Variants in ARNT2 observed in about 807,000 individuals in gnomAD.
ARNT2 encodes ARNT protein 2.
ARNT2 carries 36 observed loss-of-function variants against 91.7 expected under a neutral mutation model. The observed-to-expected ratio is 0.39, with a 90% CI of 0.30 to 0.52. The LOEUF (loss-of-function observed/expected upper bound fraction) is 0.52, where lower values mean the gene tolerates loss of function less well. ARNT2 is among the 20% of genes least tolerant of loss of function. The pLI, the probability that ARNT2 is intolerant of heterozygous loss-of-function variation, is 0.72. For synonymous variants in ARNT2, 365 were observed against 347.1 expected (o/e 1.05, Z -0.57); for missense variants, 775 against 939.3 (o/e 0.83, Z 2.29).
chr15:80,538,789 A>G (rs1361412333), intron 8 of ARNT2, among the ~76,000 whole-genome samples: 2 of 152,146 alleles, frequency 1.3e-5, no homozygotes. Flanking sequence ...TATCCAATTG[A>G]TAAATAATTC....
At chr15:80,588,084 G>A (rs1204122588) in intron 17 of ARNT2, among the ~76,000 whole-genome samples, 1 of 152,100 alleles carries the variant, frequency 6.6e-6, no homozygotes, top group East Asian at 1.9e-4. Context: ...GCACTGGTTG[G>A]GGCAGTGAGA....
chr15:80,574,846 C>T (rs1328229689), intron 13 of ARNT2, 141 bp from the exon 14 acceptor site: 1 of 1,094,584 alleles, frequency 9.1e-7, no homozygotes, highest in Non-Finnish European at 1.3e-6. Flanking sequence ...AAGCTTCCCA[C>T]CCGATAAAAT....
intron 10 of ARNT2, 137 bp from the exon 11 acceptor site, chr15:80,554,928 T>G: frequency 2.2e-6 from 2 of 890,458 alleles, no homozygotes; most frequent in Non-Finnish European, 3.4e-6. Context: ...TGCACTCACT[T>G]TTTCAAAAAA....
chr15:80,419,956 G>A (rs1895838527), intron 1 of ARNT2, among the ~76,000 whole-genome samples: 1 of 152,174 alleles, frequency 6.6e-6, no homozygotes, highest in Admixed American at 6.5e-5. Context: ...AGGAGATGGT[G>A]GTGGGCTCCG....
chr15:80,422,720 C>A (rs941249914), intron 1 of ARNT2, among the ~76,000 whole-genome samples: 10 of 152,124 alleles, frequency 6.6e-5, no homozygotes, highest in Middle Eastern at 3.4e-3. Flanking sequence ...TAGTTTAGAA[C>A]TATTAAACTT....
intron 8 of ARNT2, among the ~76,000 whole-genome samples, chr15:80,540,298 C>T (rs758586612): frequency 3.9e-5 from 6 of 152,174 alleles, no homozygotes; most frequent in Non-Finnish European, 5.9e-5. Flanking sequence ...TCCAGTTTCT[C>T]GTATCTTCAC....
At chr15:80,452,379 C>G (rs1353174332) in intron 2 of ARNT2, among the ~76,000 whole-genome samples, 1 of 152,140 alleles carries the variant, frequency 6.6e-6, no homozygotes, top group Non-Finnish European at 1.5e-5. Flanking sequence ...GTGCCTGGGG[C>G]AAAGCTCCAC....
intron 11 of ARNT2, among the ~76,000 whole-genome samples, chr15:80,559,325 A>G (rs1483606409): frequency 1.3e-5 from 2 of 148,152 alleles, no homozygotes; most frequent in Non-Finnish European, 3.0e-5. Flanking sequence ...TCCCAGCCCC[A>G]GACCCAGCCC....
intron 15 of ARNT2, among the ~76,000 whole-genome samples, chr15:80,579,859 G>T (rs959129976): frequency 6.6e-6 from 1 of 152,206 alleles, no homozygotes; most frequent in Non-Finnish European, 1.5e-5. Flanking sequence ...AGTCGAAGGT[G>T]AACTGAAGGT....
At chr15:80,460,486 A>T (rs569119482) in intron 3 of ARNT2, among the ~76,000 whole-genome samples, 1 of 152,348 alleles carries the variant, frequency 6.6e-6, no homozygotes, top group East Asian at 1.9e-4. Flanking sequence ...GTGCATAGGC[A>T]TTCCAGGATC....
intron 14 of ARNT2, 63 bp from the exon 15 acceptor site, chr15:80,576,803 G>A (rs1898684734): frequency 1.3e-6 from 2 of 1,566,156 alleles, no homozygotes; most frequent in Admixed American, 3.3e-5. Context: ...TCTTGGGGCA[G>A]CCTCCTCTGT....
rs1324677558 is a variant in ARNT2 at position 80,503,060 on chromosome 15, G to A, written c.623-5096G>A. On this transcript the variant is annotated intron_variant, in intron 5 of 18. Coordinates refer to ENST00000303329, the MANE Select transcript of ARNT2 (RefSeq NM_014862.4). ...CTAGGGATCTGCTGGGAGTCAGCCC[G>A]AGGAATCCAGGCCCATGGCTCTAAG... is the stretch of plus-strand genomic sequence containing the variant. 6.6e-5 allele frequency among the ~76,000 whole-genome samples: 10 copies of A among 152,192 alleles called. No individual in the cohort carries two copies. In the East Asian group the frequency reaches 1.7e-3, roughly 26 times the overall value.
chr15:80,508,946 T>C (rs1340072998), intron 6 of ARNT2, among the ~76,000 whole-genome samples: 1 of 152,182 alleles, frequency 6.6e-6, no homozygotes, highest in Non-Finnish European at 1.5e-5. Flanking sequence ...TTCAACCCTG[T>C]GCCCCCTGAG....
intron 8 of ARNT2, among the ~76,000 whole-genome samples, chr15:80,529,969 A>C (rs1002725715): frequency 6.6e-6 from 1 of 152,218 alleles, no homozygotes; most frequent in Non-Finnish European, 1.5e-5. Flanking sequence ...CTTATGTCAC[A>C]CTGAGTAGTT....
intron 5 of ARNT2, among the ~76,000 whole-genome samples, chr15:80,500,609 C>G (rs968542126): frequency 2.6e-5 from 4 of 152,204 alleles, no homozygotes; most frequent in African/African-American, 9.6e-5. Context: ...ATAATACTTA[C>G]AAATCAGCTT....
intron 5 of ARNT2, among the ~76,000 whole-genome samples, chr15:80,504,083 C>G (rs1897237568): frequency 6.6e-6 from 1 of 152,234 alleles, no homozygotes. Context: ...TGTATTTTCA[C>G]TCCCCCACAC....
intron 8 of ARNT2, among the ~76,000 whole-genome samples, chr15:80,550,617 A>T (rs983763490): frequency 2.6e-5 from 4 of 152,188 alleles, no homozygotes; most frequent in Non-Finnish European, 4.4e-5. Context: ...AAGAGTGAGG[A>T]TTGTTTTAAC....
chr15:80,545,329 G>A (rs1198303857), intron 8 of ARNT2, among the ~76,000 whole-genome samples: 1 of 152,164 alleles, frequency 6.6e-6, no homozygotes, highest in African/African-American at 2.4e-5. Context: ...AATTCCTGAG[G>A]GGCAAGAAAC....
intron 8 of ARNT2, among the ~76,000 whole-genome samples, chr15:80,516,163 A>G (rs1470363317): frequency 6.6e-6 from 1 of 152,184 alleles, no homozygotes; most frequent in Admixed American, 6.5e-5. Flanking sequence ...GAGCCACCGC[A>G]CCCAGCCAGA....
Sources: allele counts gnomAD v4.1 joint callset (sites outside exome capture counted in the v4.1 genomes callset), GRCh38; gene constraint gnomAD v4.1.1; transcripts MANE v1.5; gene names NCBI Gene and HGNC (gene_info 2026-07-23, HGNC 2026-07-21).